Variants in NOL8 observed in about 807,000 individuals in gnomAD.
NOL8 encodes nucleolar protein Nop132.
A neutral mutation model predicts 116.1 loss-of-function variants in NOL8; 93 were observed. The ratio of observed to expected loss-of-function variants is 0.80; its 90% CI spans 0.68 to 0.95. The LOEUF (loss-of-function observed/expected upper bound fraction) is 0.95, where lower values mean the gene tolerates loss of function less well. Ranked by LOEUF, NOL8 falls within the 40% of genes least tolerant of loss-of-function variation. NOL8 has a pLI of 0.00. For missense variants in NOL8, 1,291 were observed against 1,382.8 expected, an observed-to-expected ratio of 0.93 and a Z score of 1.05; for synonymous variants, 419 against 469.0, an observed-to-expected ratio of 0.89 and a Z score of 1.38.
In NOL8 at chr9:92,323,481, T is replaced by G. The variant is rs1333543312; in HGVS notation, c.162A>C (p.Ala54=). ...DDQGNPQKVF[A]YINISVAEAD... ...CTTCTGCTACACTGATGTTGATATA[T>G]GCAAAAACTTTCTGTGGGTTTCCTA... The change falls in exon 3 of 17, where the codon GCA becomes GCC. Residue 54 remains alanine, a synonymous_variant. Transcript: ENST00000442668. The G allele has an allele frequency of 6.2e-7, 1 of 1,605,638 alleles. No homozygotes were observed. Among genetic ancestry groups the G allele is most frequent in the African/African-American group, 1.3e-5 (1 of 74,830 alleles).
chr9:92,318,338 G>A (rs1018681959), intron 6 of NOL8, among the ~76,000 whole-genome samples: 1 of 152,052 alleles, frequency 6.6e-6, no homozygotes, highest in South Asian at 2.1e-4. Context: ...CCCCTCTTTA[G>A]CTCCTTCAGC....
At chr9:92,309,156 A>G (rs913533570) in intron 10 of NOL8, among the ~76,000 whole-genome samples, 1 of 152,018 alleles carries the variant, frequency 6.6e-6, no homozygotes, top group Non-Finnish European at 1.5e-5. Flanking sequence ...TCATTTTAAA[A>G]CTCTCTGAAC....
At position 92,314,962 on chromosome 9, in the gene NOL8, T is replaced by C. The variant is rs765870761; in HGVS notation, c.1663A>G (p.Thr555Ala). 3.8e-5 allele frequency: 62 copies of C among 1,613,878 alleles called. No individual in the cohort carries two copies. In the Middle Eastern group the frequency reaches 4.9e-4, roughly 13 times the overall value. ...TCCTTTGGTTTCTGTTTGCCACAGG[T>C]GTTCTCCTCTCCTTCTAACAGGGAA... is the stretch of plus-strand genomic sequence containing the variant. Reference protein sequence around the residue: ...VASLLEGEENTCGKQKPKENN... With the variant: ...VASLLEGEENACGKQKPKENN... The change falls in exon 7 of 17, where the codon ACC (threonine) becomes GCC (alanine). Residue 555 changes from threonine (T) to alanine (A), a missense_variant. Thr to Ala is a moderately conservative substitution (Grantham distance 58). Coordinates refer to ENST00000442668, the MANE Select transcript of NOL8 (RefSeq NM_017948.6).
chr9:92,302,498 T>G (rs965892798), intron 12 of NOL8, among the ~76,000 whole-genome samples: 5 of 152,188 alleles, frequency 3.3e-5, no homozygotes, highest in Non-Finnish European at 7.4e-5. Flanking sequence ...AAATAACCAT[T>G]CTTAGTGGTA....
chr9:92,304,123 AAC>A (rs922420829), intron 12 of NOL8, among the ~76,000 whole-genome samples: 1 of 152,180 alleles, frequency 6.6e-6, no homozygotes, highest in Non-Finnish European at 1.5e-5. Flanking sequence ...AGGTTGAAAA[AAC>A]TACTCAGCTG....
At position 92,315,898 on chromosome 9, in the gene NOL8, T is replaced by G. The variant is rs1839355190; in HGVS notation, c.727A>C (p.Ile243Leu). 1.2e-6 allele frequency: 2 copies of G among 1,613,770 alleles called. No homozygotes were observed. The highest frequency in any genetic ancestry group is 2.7e-5 in the African/African-American group (2 of 74,924). ...LAMSTRPRRV[I>L]ERPPLTQQQA... ...TGCTGTGTTAAGGGTGGTCTCTCTA[T>G]TACCCTCCTGGGCCTTGTACTCATG... is the stretch of plus-strand genomic sequence containing the variant. The change falls in exon 7 of 17, where the codon ATA becomes CTA. Residue 243 changes from isoleucine (I) to leucine (L), a missense_variant. Coordinates refer to ENST00000442668, the MANE Select transcript of NOL8 (RefSeq NM_017948.6).
intron 12 of NOL8, 41 bp downstream of exon 12, chr9:92,305,712 A>T (rs377718847): frequency 7.4e-7 from 1 of 1,343,778 alleles, no homozygotes; most frequent in Non-Finnish European, 1.1e-6. Context: ...AATGAGATTA[A>T]TTTACATGAT....
intron 7 of NOL8, among the ~76,000 whole-genome samples, chr9:92,312,642 C>A (rs188698972): frequency 3.1e-4 from 47 of 150,928 alleles, no homozygotes; most frequent in African/African-American, 1.1e-3. Flanking sequence ...GCCTGGCCAA[C>A]ATGGTGAAAC....
intron 3 of NOL8, among the ~76,000 whole-genome samples, chr9:92,322,291 G>C (rs1839993137): frequency 6.6e-6 from 1 of 152,198 alleles, no homozygotes; most frequent in Admixed American, 6.5e-5. Context: ...ATTTCTCTGA[G>C]CATCTGCCGT....
intron 7 of NOL8, among the ~76,000 whole-genome samples, chr9:92,311,726 A>G (rs1284005649): frequency 6.6e-6 from 1 of 152,242 alleles, no homozygotes; most frequent in East Asian, 1.9e-4. Flanking sequence ...TTGCAGAGAA[A>G]GGGAAATGCT....
intron 8 of NOL8, chr9:92,310,927 C>A: frequency 1.8e-6 from 1 of 571,224 alleles, no homozygotes; most frequent in South Asian, 2.4e-5. Context: ...GTTTTTGTAG[C>A]GTTTCACTAA....
intron 7 of NOL8, among the ~76,000 whole-genome samples, chr9:92,312,802 G>A (rs1287889352): frequency 2.1e-5 from 3 of 143,846 alleles, no homozygotes; most frequent in African/African-American, 7.7e-5. Flanking sequence ...ACTCCAGCCT[G>A]GGCAACAAGA....
chr9:92,300,814 CAA>C (rs35912497), intron 13 of NOL8: 12,959 of 853,438 alleles, frequency 0.015, no homozygotes, highest in South Asian at 0.03. Context: ...ACTCTGTCTC[CAA>C]AAAAAAAAAA....
In NOL8 at chr9:92,315,817, C is replaced by T. The variant is rs763909009; in HGVS notation, c.808G>A (p.Val270Ile). ...AGTTTCTGAGTATCAGAAACAGGTA[C>T]AGGAGATGATTTAGAAGGAGTAATG... ...DSITPSKSSP[V>I]PVSDTQKLKN... is the part of the protein sequence containing the mutation. The change falls in exon 7 of 17, where the codon GTA becomes ATA. Residue 270 changes from valine to isoleucine, a missense_variant. Val to Ile is a conservative substitution (Grantham distance 29). Coordinates refer to ENST00000442668, the MANE Select transcript of NOL8 (RefSeq NM_017948.6). 3 of 1,613,762 alleles carry T rather than the reference C, an allele frequency of 1.9e-6. No homozygotes were observed. Among genetic ancestry groups the T allele is most frequent in the African/African-American group, 2.7e-5 (2 of 74,878 alleles).
chr9:92,315,510 T>C lies in NOL8; in HGVS notation c.1115A>G (p.Asn372Ser), dbSNP rs1340718196. The change falls in exon 7 of 17, where the codon AAT (asparagine) becomes AGT (serine). Residue 372 changes from asparagine to serine, a missense_variant. Coordinates refer to ENST00000442668, the MANE Select transcript of NOL8 (RefSeq NM_017948.6). ...ATCTCCTGAGTCATACTCACGATCATTTCTCATAATATCATCATCACTATC... is the reference window on the plus strand; with the variant it reads ...ATCTCCTGAGTCATACTCACGATCACTTCTCATAATATCATCATCACTATC... ...CHDSDDDIMR[N>S]DREYDSGDTD... The C allele has an allele frequency of 5.6e-6, 9 of 1,610,730 alleles. No homozygotes were observed. In the Admixed American group the frequency reaches 6.7e-5, roughly 12 times the overall value.
rs772918179 is a variant in NOL8 at position 92,303,545 on chromosome 9, T to A, written c.2904-1723A>T. On this transcript the variant is annotated intron_variant, in intron 12 of 16. Transcript: ENST00000442668. ...AGCAGAGATGGTCTGGCCTGCAAAG[T>A]CTTATCTATTTACTATCTTGCCTGT... Among the ~76,000 whole-genome samples the A allele has an allele frequency of 5.9e-5, 9 of 152,304 alleles. No individual in the cohort carries two copies. In the Middle Eastern group the frequency reaches 0.01, roughly 173 times the overall value.
At chr9:92,320,265 C>T (rs1200827600) in intron 4 of NOL8, 1 of 445,584 alleles carries the variant, frequency 2.2e-6, no homozygotes, top group Non-Finnish European at 4.5e-6. Context: ...CCCAGAATAA[C>T]CATCAGACCC....
chr9:92,304,368 G>A (rs1838035662), intron 12 of NOL8, among the ~76,000 whole-genome samples: 1 of 152,208 alleles, frequency 6.6e-6, no homozygotes, highest in Non-Finnish European at 1.5e-5. Flanking sequence ...TGGAGGAAGG[G>A]TAGATAACTT....
chr9:92,308,025 T>A (rs183909388), intron 10 of NOL8, among the ~76,000 whole-genome samples: 3 of 152,342 alleles, frequency 2.0e-5, no homozygotes, highest in African/African-American at 4.8e-5. Flanking sequence ...TAGATTATAA[T>A]GCTGAAAAAG....
Sources: allele counts gnomAD v4.1 joint callset (sites outside exome capture counted in the v4.1 genomes callset), GRCh38; gene constraint gnomAD v4.1.1; transcripts MANE v1.5; gene names NCBI Gene and HGNC (gene_info 2026-07-23, HGNC 2026-07-21).